ZNF385D: variants seen among roughly 807,000 people sequenced by gnomAD.
The protein encoded by ZNF385D is zinc finger protein 385D.
In ZNF385D, 15 loss-of-function variants were observed where a neutral mutation model predicts 35.8. The observed-to-expected ratio is 0.42, with a 90% CI of 0.28 to 0.64. ZNF385D has a LOEUF of 0.64. Among genes scored for constraint, ZNF385D ranks in the 30% least tolerant of loss-of-function variants. ZNF385D has a pLI of 0.23. For synonymous variants in ZNF385D, 212 were observed against 186.8 expected (o/e 1.13, Z -1.10); for missense variants, 474 against 494.6 (o/e 0.96, Z 0.39).
rs1467819312 is a variant in ZNF385D, at chr3:22,345,965, C to A, written c.106+26485G>T. On this transcript the variant is annotated intron_variant, in intron 2 of 5. Coordinates refer to the ZNF385D transcript ENST00000494108. ...AGCTGACTGCATCACAGTTCAGCTT[C>A]TCCCTTGTCCCGATCCTGCTTTCTT... is the stretch of plus-strand genomic sequence containing the variant. Among the ~76,000 whole-genome samples the A allele has an allele frequency of 2.0e-5, 3 of 152,184 alleles. No homozygotes were observed. In the South Asian group the frequency reaches 6.2e-4, roughly 31 times the overall value.
intron 1 of ZNF385D, among the ~76,000 whole-genome samples, chr3:21,686,937 C>T (rs1268722055): frequency 1.3e-5 from 2 of 152,148 alleles, no homozygotes; most frequent in Non-Finnish European, 2.9e-5. Context: ...TGAAAGGGAG[C>T]CTATTTTCCC....
intron 3 of ZNF385D, among the ~76,000 whole-genome samples, chr3:21,871,468 A>G (rs1312744019): frequency 2.0e-5 from 3 of 152,190 alleles, no homozygotes. Context: ...TGAAGGCAGT[A>G]ACTTTGTTAT....
chr3:21,879,215 T>G (rs1045714121), intron 3 of ZNF385D, among the ~76,000 whole-genome samples: 2 of 152,030 alleles, frequency 1.3e-5, no homozygotes, highest in African/African-American at 4.8e-5. Flanking sequence ...TTTGTCATGT[T>G]CTTTAAGTAC....
chr3:21,910,973 T>A (rs762652882), intron 3 of ZNF385D, among the ~76,000 whole-genome samples: 3 of 151,988 alleles, frequency 2.0e-5, no homozygotes, highest in African/African-American at 7.2e-5. Context: ...AAAAACTACA[T>A]AGTATTTTCT....
rs192740880 is a variant in ZNF385D at position 21,571,229 on chromosome 3, T to G, written c.166-6545A>C. Among the ~76,000 whole-genome samples, 15 of 152,314 alleles carry G rather than the reference T, an allele frequency of 9.8e-5. No individual in the cohort carries two copies. In the East Asian group the frequency reaches 2.7e-3, roughly 27 times the overall value. Reference sequence around the variant, plus strand: ...CTTTTGCACTTCATAAAAATATAAGTATACAGTATGCATTCTTTTGTGTCT... The same window carrying G: ...CTTTTGCACTTCATAAAAATATAAGGATACAGTATGCATTCTTTTGTGTCT... On this transcript the variant is annotated intron_variant, in intron 2 of 7. Transcript: ENST00000281523.
intron 2 of ZNF385D, among the ~76,000 whole-genome samples, chr3:22,344,140 G>A (rs942268000): frequency 6.9e-6 from 1 of 144,006 alleles, no homozygotes; most frequent in Non-Finnish European, 1.5e-5. Flanking sequence ...CTTGTGTTTT[G>A]AAGAATTTTT....
intron 3 of ZNF385D, among the ~76,000 whole-genome samples, chr3:22,030,949 G>T (rs1312968372): frequency 2.0e-5 from 3 of 152,120 alleles, no homozygotes; most frequent in Admixed American, 6.5e-5. Flanking sequence ...CAAAACAAAG[G>T]TGCCACAGGC....
At chr3:22,062,163 A>C (rs1699722076) in intron 3 of ZNF385D, among the ~76,000 whole-genome samples, 1 of 152,118 alleles carries the variant, frequency 6.6e-6, no homozygotes, top group African/African-American at 2.4e-5. Context: ...TCAACCTCCC[A>C]AATAGCTGGG....
intron 2 of ZNF385D, among the ~76,000 whole-genome samples, chr3:21,606,584 C>G (rs2064491411): frequency 6.6e-6 from 1 of 152,170 alleles, no homozygotes; most frequent in African/African-American, 2.4e-5. Flanking sequence ...AAGAAGAGAA[C>G]AGAGAAAGGC....
intron 4 of ZNF385D, among the ~76,000 whole-genome samples, chr3:21,470,681 C>T (rs1011139795): frequency 1.3e-5 from 2 of 152,108 alleles, no homozygotes; most frequent in African/African-American, 4.8e-5. Context: ...ATCACAGATC[C>T]TAATTGAGCC....
chr3:21,965,548 A>G (rs1702866082), intron 3 of ZNF385D, among the ~76,000 whole-genome samples: 1 of 152,188 alleles, frequency 6.6e-6, no homozygotes, highest in Non-Finnish European at 1.5e-5. Flanking sequence ...AAGATAAAGA[A>G]AGGTTGAAGA....
intron 3 of ZNF385D, among the ~76,000 whole-genome samples, chr3:21,936,255 T>A (rs541429058): frequency 6.6e-5 from 10 of 152,206 alleles, no homozygotes; most frequent in Admixed American, 4.6e-4. Flanking sequence ...GGAGATGACA[T>A]AGAGTTTAAA....
At chr3:22,269,770 T>C (rs972488852) in intron 2 of ZNF385D, among the ~76,000 whole-genome samples, 4 of 151,842 alleles carry the variant, frequency 2.6e-5, no homozygotes, top group East Asian at 3.9e-4. Flanking sequence ...CACCACCCTA[T>C]AGAATCATTT....
At chr3:22,140,569 G>C (rs939263604) in intron 3 of ZNF385D, among the ~76,000 whole-genome samples, 1 of 152,096 alleles carries the variant, frequency 6.6e-6, no homozygotes, top group African/African-American at 2.4e-5. Context: ...AAATAAATTT[G>C]TAGTTTAATA....
Position 21,596,203 on chromosome 3 carries a change from G to A in ZNF385D, c.166-31519C>T, listed in dbSNP as rs1045762695. On this transcript the variant is annotated intron_variant, in intron 2 of 7. Transcript: ENST00000281523. ...AACTCTGAATTTCAGTTTTCACAGCGGCAAGGAGGGAAGAGGATTAATTTG... is the reference window on the plus strand; with the variant it reads ...AACTCTGAATTTCAGTTTTCACAGCAGCAAGGAGGGAAGAGGATTAATTTG... Among the ~76,000 whole-genome samples, 23 of 152,220 alleles carry A rather than the reference G, an allele frequency of 1.5e-4. 1 individual carries two copies. The highest frequency in any genetic ancestry group is 5.1e-4 in the African/African-American group (21 of 41,550).
chr3:22,138,993 A>C (rs1704326857), intron 3 of ZNF385D, among the ~76,000 whole-genome samples: 1 of 152,242 alleles, frequency 6.6e-6, no homozygotes, highest in Admixed American at 6.5e-5. Flanking sequence ...CAACCCCATC[A>C]AAAAGTGGGC....
At chr3:21,838,350 T>C (rs114688515) in intron 3 of ZNF385D, among the ~76,000 whole-genome samples, 36 of 152,198 alleles carry the variant, frequency 2.4e-4, no homozygotes, top group African/African-American at 8.4e-4. Context: ...ATGTATGGTA[T>C]ATATGCTAAA....
chr3:21,853,001 A>T (rs2125813856), intron 3 of ZNF385D, among the ~76,000 whole-genome samples: 1 of 152,020 alleles, frequency 6.6e-6, no homozygotes, highest in South Asian at 2.1e-4. Context: ...ATCCCTCTGG[A>T]CCTATTTTTG....
At chr3:21,975,941 C>A (rs1377751795) in intron 3 of ZNF385D, among the ~76,000 whole-genome samples, 1 of 151,974 alleles carries the variant, frequency 6.6e-6, no homozygotes, top group East Asian at 1.9e-4. Context: ...GCCAAACATA[C>A]TTGAAGGGTA....
Sources: gnomAD v4.1 joint callset for allele counts (sites outside exome capture counted in the v4.1 genomes callset) on GRCh38, gnomAD v4.1.1 for gene constraint, MANE v1.5 for transcripts, NCBI Gene and HGNC (gene_info 2026-07-23, HGNC 2026-07-21) for gene names.